Variants in FBXO9 observed in about 807,000 individuals in gnomAD.
The protein encoded by FBXO9 is F-box only protein 9.
Under a neutral mutation model 63.7 loss-of-function variants are expected in FBXO9, and 43 were observed. That is an observed-to-expected ratio of 0.67 (90% CI 0.53 to 0.87). The LOEUF (loss-of-function observed/expected upper bound fraction) is 0.87. Ranked by LOEUF, FBXO9 falls within the 40% of genes least tolerant of loss-of-function variation. FBXO9 has a pLI of 0.00. For synonymous variants in FBXO9, 156 were observed against 171.7 expected (o/e 0.91, Z 0.72); for missense variants, 442 against 533.2 (o/e 0.83, Z 1.68).
intron 1 of FBXO9, among the ~76,000 whole-genome samples, chr6:53,070,208 TG>T (rs1167480340): frequency 1.3e-5 from 2 of 151,574 alleles, no homozygotes; most frequent in African/African-American, 4.8e-5. Context: ...TTAGTAGAGA[TG>T]GGGTTTCACT....
intron 4 of FBXO9, among the ~76,000 whole-genome samples, chr6:53,077,627 G>T (rs1769166570): frequency 6.6e-6 from 1 of 152,074 alleles, no homozygotes. Flanking sequence ...TGATAGTAAA[G>T]ATAATAATTG....
intron 4 of FBXO9, among the ~76,000 whole-genome samples, chr6:53,078,581 TAA>T (rs1436139142): frequency 6.6e-6 from 1 of 152,208 alleles, no homozygotes; most frequent in African/African-American, 2.4e-5. Context: ...GGCTAATATA[TAA>T]GAGTAAAATA....
At chr6:53,070,917 C>G (rs1163649951) in intron 1 of FBXO9, 140 bp from the exon 2 acceptor site, 1 of 1,403,776 alleles carries the variant, frequency 7.1e-7, no homozygotes. Context: ...GTGCCCCCTA[C>G]AGCCTTGCTA....
rs532223185 is a variant in FBXO9 at position 53,069,302 on chromosome 6, T to C, written c.4-1755T>C. Among the ~76,000 whole-genome samples the C allele has an allele frequency of 3.9e-5, 6 of 152,336 alleles. No individual in the cohort carries two copies. The South Asian group carries it at 1.2e-3, about 32-fold the overall frequency. On this transcript the variant is annotated intron_variant, in intron 1 of 12. Transcript: ENST00000323557. ...TGATTGGTATCATTAAACTTACCTG[T>C]GAAGAAGATAACTATAAAGAAGCAA...
intron 1 of FBXO9, chr6:53,070,767 AT>A: frequency 2.8e-6 from 1 of 360,886 alleles, no homozygotes; most frequent in Non-Finnish European, 5.1e-6. Context: ...AATTAAATTG[AT>A]TTTTGGATGG....
chr6:53,076,563 G>A lies in FBXO9; in HGVS notation c.307+20G>A. 3 of 1,493,786 alleles carry A rather than the reference G, an allele frequency of 2.0e-6. No homozygotes were observed. The highest frequency in any genetic ancestry group is 2.7e-6 in the Non-Finnish European group (3 of 1,127,172). The allele number at this position is 1,493,786 out of a possible 1,614,324, so 92.5% of individuals were successfully genotyped here. ...ATGAAGGTAAAAATTCAGAGCCCAG[G>A]TTCATATCATAACATTTCTGAATAA... On this transcript the variant is annotated intron_variant, in intron 4 of 12. Transcript: ENST00000323557.
chr6:53,073,337 T>G (rs1017783922), intron 2 of FBXO9, 144 bp from the exon 3 acceptor site: 11 of 489,444 alleles, frequency 2.2e-5, no homozygotes, highest in Non-Finnish European at 3.8e-5. Context: ...TAATGGATAT[T>G]TAATAATTCA....
intron 7 of FBXO9, chr6:53,092,115 A>G (rs1763055705): frequency 7.6e-6 from 2 of 262,602 alleles, no homozygotes; most frequent in Non-Finnish European, 1.5e-5. Flanking sequence ...ACTTATCCCC[A>G]TCACTATGAT....
chr6:53,076,327 G>A (rs1041230561), intron 3 of FBXO9, among the ~76,000 whole-genome samples, 159 bp from the exon 4 acceptor site: 1 of 152,112 alleles, frequency 6.6e-6, no homozygotes, highest in Non-Finnish European at 1.5e-5. Flanking sequence ...ATCCAGTCAA[G>A]TTAATTTTTA....
At chr6:53,092,078 G>A (rs1763054641) in intron 7 of FBXO9, 1 of 209,712 alleles carries the variant, frequency 4.8e-6, no homozygotes, top group Non-Finnish European at 9.7e-6. Flanking sequence ...TGAGGGCCTT[G>A]CACATGCTCT....
At chr6:53,079,501 C>T (rs929988529) in intron 5 of FBXO9, among the ~76,000 whole-genome samples, 1 of 152,074 alleles carries the variant, frequency 6.6e-6, no homozygotes, top group Non-Finnish European at 1.5e-5. Context: ...GTTGCCACTG[C>T]ATCAAAGCCA....
intron 1 of FBXO9, chr6:53,066,066 A>C: frequency 1.6e-6 from 2 of 1,217,402 alleles, no homozygotes; most frequent in East Asian, 3.3e-5. Context: ...GCCGGGGAAA[A>C]TGTCCCTTCT....
intron 12 of FBXO9, among the ~76,000 whole-genome samples, chr6:53,097,435 G>T (rs1010134878): frequency 6.6e-6 from 1 of 151,924 alleles, no homozygotes; most frequent in Admixed American, 6.6e-5. Context: ...AATGATGTGG[G>T]AAAATACAAA....
intron 1 of FBXO9, 172 bp downstream of exon 1, chr6:53,065,964 G>A (rs1768681500): frequency 8.6e-7 from 1 of 1,160,224 alleles, no homozygotes; most frequent in Middle Eastern, 3.2e-4. Flanking sequence ...GGGGGCGGGG[G>A]GTGCCAACCC....
At chr6:53,073,798 C>T (rs1206976964) in intron 3 of FBXO9, 159 bp downstream of exon 3, 8 of 574,538 alleles carry the variant, frequency 1.4e-5, no homozygotes, top group Non-Finnish European at 2.0e-5. Flanking sequence ...TTATATATTT[C>T]TCACAATTTC....
intron 5 of FBXO9, 146 bp from the exon 6 acceptor site, chr6:53,080,822 T>C (rs1452335707): frequency 2.5e-6 from 2 of 787,078 alleles, no homozygotes; most frequent in Non-Finnish European, 3.9e-6. Flanking sequence ...ACAGGATAAA[T>C]TCATCACATT....
At position 53,099,732 on chromosome 6, in the gene FBXO9, AC is replaced by A. The variant is rs1763302185; in HGVS notation, c.*1905del. On this transcript the variant is annotated 3_prime_UTR_variant, in exon 13 of 13. Coordinates refer to ENST00000323557, the MANE Select transcript of FBXO9 (RefSeq NM_033480.3). Reference sequence around the variant, plus strand: ...GCTCCAGCCTGGGTGAGAAAGCGAGACCCTGTCTCAAAAAAGAAAAAAAAGA... The same window carrying A: ...GCTCCAGCCTGGGTGAGAAAGCGAGACCTGTCTCAAAAAAGAAAAAAAAGA... 6.6e-6 allele frequency: 1 copy of A among 152,168 alleles called. No individual in the cohort carries two copies. Among genetic ancestry groups the A allele is most frequent in the South Asian group, 2.1e-4 (1 of 4,816 alleles). 9.4% of individuals were successfully genotyped at this position (152,168 alleles called of 1,614,324 possible).
rs141033398 is a variant in FBXO9, at chr6:53,066,688, G to A, written c.3+896G>A. Reference sequence around the variant, plus strand: ...AACTTTCAGAAGTAGTTCTCTGACCGGGATTAAGTACTTAGCCTTTATAAT... The same window carrying A: ...AACTTTCAGAAGTAGTTCTCTGACCAGGATTAAGTACTTAGCCTTTATAAT... On this transcript the variant is annotated intron_variant, in intron 1 of 12. Coordinates refer to ENST00000323557, the MANE Select transcript of FBXO9 (RefSeq NM_033480.3). 2.3e-4 allele frequency among the ~76,000 whole-genome samples: 35 copies of A among 152,324 alleles called. No homozygotes were observed. The East Asian group carries it at 4.8e-3, about 21-fold the overall frequency.
chr6:53,085,998 A>T (rs1762868217), intron 7 of FBXO9, among the ~76,000 whole-genome samples: 1 of 152,090 alleles, frequency 6.6e-6, no homozygotes, highest in African/African-American at 2.4e-5. Context: ...AAAAATACAA[A>T]ATTAGCCGGG....
Sources: gnomAD v4.1 joint callset for allele counts (sites outside exome capture counted in the v4.1 genomes callset) on GRCh38, gnomAD v4.1.1 for gene constraint, MANE v1.5 for transcripts, NCBI Gene and HGNC (gene_info 2026-07-23, HGNC 2026-07-21) for gene names.